The following PLOD3 variants were observed in gnomAD, a reference collection of about 807,000 sequenced individuals.
PLOD3 encodes procollagen-lysine,2-oxoglutarate 5-dioxygenase 3.
A neutral mutation model predicts 96.9 loss-of-function variants in PLOD3; 73 were observed. The observed-to-expected ratio is 0.75, with a 90% CI of 0.62 to 0.92. The LOEUF (loss-of-function observed/expected upper bound fraction) is 0.92. Ranked by LOEUF, PLOD3 falls within the 40% of genes least tolerant of loss-of-function variation. The pLI is 0.00. For missense variants in PLOD3, 1,004 were observed against 1,004.3 expected, an observed-to-expected ratio of 1.00 and a Z score of 0.00; for synonymous variants, 454 against 413.7, an observed-to-expected ratio of 1.10 and a Z score of -1.18.
Position 101,215,110 on chromosome 7 carries a change from G to T in PLOD3, c.658C>A (p.Gln220Lys). 1 of 1,613,426 alleles carries T rather than the reference G, an allele frequency of 6.2e-7. No individual in the cohort carries two copies. The highest frequency in any genetic ancestry group is 8.5e-7 in the Non-Finnish European group (1 of 1,179,300). Residue 220 changes from glutamine (Q) to lysine (K), a missense_variant, in exon 6 of 19, where the codon CAG becomes AAG. Gln to Lys is a moderately conservative substitution (Grantham distance 53). Coordinates refer to ENST00000223127, the MANE Select transcript of PLOD3 (RefSeq NM_001084.5). ...LNLDHKSRIF[Q>K]NLNGALDEVV... ...TCACCTAAAGCCCCGTTGAGGTTCT[G>T]AAAGATCCGAGACTTATGATCCAGA...
chr7:101,209,846 CTTCTT>C lies in PLOD3; in HGVS notation c.1683+242_1683+246del, dbSNP rs1798153404. On this transcript the variant is annotated intron_variant, in intron 15 of 18. Transcript: ENST00000223127. ...ATGAGCCACTGAGCCCAGCCCCATT[CTTCTT>C]TTAAGATGTGATTTCAAGCATAACA... 6 of 469,234 alleles carry C rather than the reference CTTCTT, an allele frequency of 1.3e-5. No individual in the cohort carries two copies. In the South Asian group the frequency reaches 1.9e-4, roughly 15 times the overall value. The allele number at this position is 469,234 out of a possible 1,614,324, so 29.1% of individuals were successfully genotyped here. A position where few individuals can be genotyped will look rare whatever the true frequency, so the allele number is the denominator to read the frequency against.
Position 101,216,563 on chromosome 7 carries a change from C to CCCGT in PLOD3, c.202-21_202-18dup, listed in dbSNP as rs1210887896. ...GCCCAGGGTCTGTGGAGAAGATTGC[C>CCCGT]CCGTGCCAGGCAAGGGGTGGGGAGT... On this transcript the variant is annotated splice_polypyrimidine_tract_variant and intron_variant, in intron 2 of 18. Transcript: ENST00000223127. 1 of 1,613,768 alleles carries CCCGT rather than the reference C, an allele frequency of 6.2e-7. No individual in the cohort carries two copies. Among genetic ancestry groups the CCCGT allele is most frequent in the African/African-American group, 1.3e-5 (1 of 74,882 alleles).
Position 101,217,171 on chromosome 7 carries a change from T to TCTG in PLOD3, c.103_104insCAG (p.Asn35delinsThrAsp). ...GGGCCTCCCCGGGATCTCACCTGGG[T>TCTG]TGACCGGGTCTCGGCCCCGGGGCCG... On this transcript the variant is annotated protein_altering_variant, in exon 1 of 19. Coordinates refer to ENST00000223127, the MANE Select transcript of PLOD3 (RefSeq NM_001084.5). The TCTG allele has an allele frequency of 6.7e-7, 1 of 1,490,194 alleles. No homozygotes were observed. The highest frequency in any genetic ancestry group is 1.3e-5 in the South Asian group (1 of 77,280). 92.3% of individuals were successfully genotyped at this position (1,490,194 alleles called of 1,614,324 possible).
chr7:101,210,431 TGGA>T lies in PLOD3; in HGVS notation c.1511_1513del (p.Leu504del). On this transcript the variant is annotated inframe_deletion, in exon 14 of 19. Coordinates refer to ENST00000223127, the MANE Select transcript of PLOD3 (RefSeq NM_001084.5). Reference sequence around the variant, plus strand: ...GCCAAATTCATGCTGATTGCTCAGATGGAGGAAGATGCCCTGTAGTGGGGTGGG... The same window carrying T: ...GCCAAATTCATGCTGATTGCTCAGATGGAAGATGCCCTGTAGTGGGGTGGG... The T allele has an allele frequency of 6.2e-7, 1 of 1,614,078 alleles. No individual in the cohort carries two copies. Among genetic ancestry groups the T allele is most frequent in the Non-Finnish European group, 8.5e-7 (1 of 1,179,980 alleles).
intron 12 of PLOD3, 135 bp from the exon 13 acceptor site, chr7:101,210,808 C>T: frequency 1.1e-6 from 1 of 925,428 alleles, no homozygotes; most frequent in Admixed American, 2.3e-5. Context: ...TTGTCAAGCA[C>T]TGCTGGTCCC....
chr7:101,217,554 T>G lies in PLOD3; in HGVS notation c.-280A>C, dbSNP rs1407885271. On this transcript the variant is annotated 5_prime_UTR_variant, in exon 1 of 19. Transcript: ENST00000223127. ...GCCGGCGGGCGGGAGACAGGGACTC[T>G]GGGCTGAGCCAGCCGCTTGACACAT... is the stretch of plus-strand genomic sequence containing the variant. 4 of 471,198 alleles carry G rather than the reference T, an allele frequency of 8.5e-6. No homozygotes were observed. Among genetic ancestry groups the G allele is most frequent in the East Asian group, 4.0e-5 (1 of 25,186 alleles). The allele number at this position is 471,198 out of a possible 1,614,324, so 29.2% of individuals were successfully genotyped here.
chr7:101,216,502 T>C lies in PLOD3; in HGVS notation c.246A>G (p.Arg82=). Residue 82 remains arginine (R), a synonymous_variant, in exon 3 of 19, where the codon CGA becomes CGG. Coordinates refer to ENST00000223127, the MANE Select transcript of PLOD3 (RefSeq NM_001084.5). ...GGACCTTCTGTCCTCCACCAACTGT[T>C]CGAGCCACATCACCCCCTCGCCACT... ...GEEWRGGDVA[R]TVGGGQKVRW... 3 of 1,613,890 alleles carry C rather than the reference T, an allele frequency of 1.9e-6. No homozygotes were observed. Among genetic ancestry groups the C allele is most frequent in the Non-Finnish European group, 2.5e-6 (3 of 1,179,966 alleles).
intron 17 of PLOD3, 77 bp downstream of exon 17, chr7:101,207,501 A>C: frequency 6.8e-7 from 1 of 1,475,344 alleles, no homozygotes; most frequent in Non-Finnish European, 9.4e-7. Context: ...CGGGGCCGAA[A>C]GGGGTCTGCG....
chr7:101,216,639 C>T, intron 2 of PLOD3, 56 bp downstream of exon 2: 2 of 1,605,528 alleles, frequency 1.2e-6, no homozygotes, highest in South Asian at 2.2e-5. Context: ...GGCATCCAGA[C>T]TTCAGCCCAC....
chr7:101,208,775 C>T, intron 16 of PLOD3, 78 bp downstream of exon 16: 2 of 982,368 alleles, frequency 2.0e-6, no homozygotes, highest in Non-Finnish European at 3.3e-6. Flanking sequence ...TCCCATTTTC[C>T]TGATTCCATT....
At chr7:101,213,381 A>G (rs1299077404) in intron 6 of PLOD3, 177 bp from the exon 7 acceptor site, 4 of 667,130 alleles carry the variant, frequency 6.0e-6, no homozygotes, top group Non-Finnish European at 1.1e-5. Context: ...GCTGGCCCAG[A>G]GAGCTCCACT....
rs1383049691 is a variant in PLOD3 at position 101,215,082 on chromosome 7, T to C, written c.679+7A>G. ...CATCGCCCACCTGCGGCTGTCTTCC[T>C]CCTCACCTAAAGCCCCGTTGAGGTT... On this transcript the variant is annotated splice_region_variant and intron_variant, in intron 6 of 18. Transcript: ENST00000223127. The C allele has an allele frequency of 6.2e-7, 1 of 1,607,916 alleles. No individual in the cohort carries two copies. The highest frequency in any genetic ancestry group is 1.7e-5 in the Admixed American group (1 of 60,022).
rs1294023513 is a variant in PLOD3 at position 101,217,176 on chromosome 7, C to T, written c.99G>A (p.Pro33=). Residue 33 remains proline (P), a synonymous_variant, in exon 1 of 19, where the codon CCG becomes CCA. Transcript: ENST00000223127. ...SASDRPRGRD[P]VNPEKLLVIT... ...TCCCCGGGATCTCACCTGGGTTGAC[C>T]GGGTCTCGGCCCCGGGGCCGGTCGG... 2.0e-6 allele frequency: 3 copies of T among 1,487,756 alleles called. No individual in the cohort carries two copies. Among genetic ancestry groups the T allele is most frequent in the Admixed American group, 2.4e-5 (1 of 42,124 alleles). 92.2% of individuals were successfully genotyped at this position (1,487,756 alleles called of 1,614,324 possible).
At chr7:101,206,644 G>A (rs1467002699) in intron 18 of PLOD3, 135 bp downstream of exon 18, 12 of 1,141,444 alleles carry the variant, frequency 1.1e-5, no homozygotes, top group South Asian at 2.7e-5. Context: ...GCCCAGAAGC[G>A]ATCCAGGAGC....
At position 101,217,338 on chromosome 7, in the gene PLOD3, G is replaced by T; in HGVS notation, c.-64C>A. On this transcript the variant is annotated 5_prime_UTR_variant, in exon 1 of 19. The change creates a new upstream start codon in the 5' untranslated region. Transcript: ENST00000223127. ...ATCTCCGCTACGCGCCTGGATCCCA[G>T]CTCCGGAGGGGAGCTCTGGAAAGGG... 1 of 1,344,420 alleles carries T rather than the reference G, an allele frequency of 7.4e-7. No homozygotes were observed. 83.3% of individuals were successfully genotyped at this position (1,344,420 alleles called of 1,614,324 possible).
intron 6 of PLOD3, among the ~76,000 whole-genome samples, chr7:101,213,895 C>T (rs534937336): frequency 6.6e-6 from 1 of 152,046 alleles, no homozygotes; most frequent in South Asian, 2.1e-4. Context: ...GACAGGGTTT[C>T]ACCATGTCGA....
chr7:101,208,550 C>G (rs1012116257), intron 16 of PLOD3: 61 of 375,112 alleles, frequency 1.6e-4, no homozygotes, highest in South Asian at 1.1e-3. Context: ...CCAAACTCGG[C>G]TAATTTTTAA....
At chr7:101,209,552 G>GTTTTT (rs11295764) in intron 15 of PLOD3, among the ~76,000 whole-genome samples, 1 of 110,304 alleles carries the variant, frequency 9.1e-6, no homozygotes, top group African/African-American at 3.4e-5. Flanking sequence ...TAATTTTTGT[G>GTTTTT]TTTTTTTTTT....
Position 101,216,554 on chromosome 7 carries a change from G to C in PLOD3, c.202-8C>G, listed in dbSNP as rs1239361365. 1.2e-6 allele frequency: 2 copies of C among 1,614,030 alleles called. No individual in the cohort carries two copies. Among genetic ancestry groups the C allele is most frequent in the Non-Finnish European group, 1.7e-6 (2 of 1,180,010 alleles). Reference sequence around the variant, plus strand: ...CTCTCCCAGGCCCAGGGTCTGTGGAGAAGATTGCCCCGTGCCAGGCAAGGG... The same window carrying C: ...CTCTCCCAGGCCCAGGGTCTGTGGACAAGATTGCCCCGTGCCAGGCAAGGG... On this transcript the variant is annotated splice_polypyrimidine_tract_variant and splice_region_variant and intron_variant, in intron 2 of 18. Transcript: ENST00000223127.
Sources: gnomAD v4.1 joint callset for allele counts (sites outside exome capture counted in the v4.1 genomes callset) on GRCh38, gnomAD v4.1.1 for gene constraint, MANE v1.5 for transcripts, NCBI Gene and HGNC (gene_info 2026-07-23, HGNC 2026-07-21) for gene names.